The following NNMT variants were observed in gnomAD, a reference collection of about 807,000 sequenced individuals.
NNMT encodes the protein nicotinamide N-methyltransferase.
Under a neutral mutation model 11.7 loss-of-function variants are expected in NNMT, and 10 were observed. The ratio of observed to expected loss-of-function variants is 0.85; its 90% CI spans 0.53 to 1.45. The LOEUF (loss-of-function observed/expected upper bound fraction) is 1.45, where lower values mean the gene tolerates loss of function less well. NNMT is among the 40% of genes most tolerant of loss of function. The pLI is 0.00. For missense variants in NNMT, 381 were observed against 319.4 expected, an observed-to-expected ratio of 1.19 and a Z score of -1.47; for synonymous variants, 143 against 133.8, an observed-to-expected ratio of 1.07 and a Z score of -0.48.
chr11:114,280,364 G>A (rs965526862), intron 2 of NNMT, among the ~76,000 whole-genome samples: 4 of 152,006 alleles, frequency 2.6e-5, no homozygotes, highest in African/African-American at 9.7e-5. Context: ...TGTGAGCCGG[G>A]AGCCCCTAGG....
intron 2 of NNMT, among the ~76,000 whole-genome samples, chr11:114,268,431 TG>T (rs1945139672): frequency 1.3e-5 from 2 of 152,180 alleles, no homozygotes; most frequent in South Asian, 4.1e-4. Flanking sequence ...GGACTTACCA[TG>T]GTTCCCAAAC....
At chr11:114,261,400 G>A (rs1945079350) in intron 1 of NNMT, among the ~76,000 whole-genome samples, 1 of 152,174 alleles carries the variant, frequency 6.6e-6, no homozygotes, top group Admixed American at 6.5e-5. Flanking sequence ...TGGCCAACAT[G>A]GAGAAACCCC....
chr11:114,278,024 G>T (rs1405140309), intron 2 of NNMT, among the ~76,000 whole-genome samples: 1 of 152,130 alleles, frequency 6.6e-6, no homozygotes, highest in Non-Finnish European at 1.5e-5. Flanking sequence ...GAAATATGTT[G>T]GCTGCTATGT....
chr11:114,282,292 G>C (rs1945268274), intron 2 of NNMT, among the ~76,000 whole-genome samples: 1 of 152,096 alleles, frequency 6.6e-6, no homozygotes, highest in East Asian at 1.9e-4. Context: ...TTAGATTCCT[G>C]CTTGATAATT....
upstream of NNMT, among the ~76,000 whole-genome samples, chr11:114,294,486 A>AAG (rs1383565142): frequency 2.6e-5 from 4 of 151,684 alleles, no homozygotes; most frequent in East Asian, 7.7e-4. Flanking sequence ...TCAAAAAAAA[A>AAG]AAAAAAAAGT....
At chr11:114,300,894 G>T (rs960428169) in intron 2 of NNMT, among the ~76,000 whole-genome samples, 1 of 152,088 alleles carries the variant, frequency 6.6e-6, no homozygotes, top group African/African-American at 2.4e-5. Flanking sequence ...CTCTAAGATG[G>T]CCCCCAATAA....
At chr11:114,287,752 C>T (rs893774413) in intron 2 of NNMT, among the ~76,000 whole-genome samples, 2 of 152,238 alleles carry the variant, frequency 1.3e-5, no homozygotes, top group Non-Finnish European at 2.9e-5. Context: ...ATTTTAGAGC[C>T]AGCTTGTCAA....
rs780881498 is a variant in NNMT at position 114,298,108 on chromosome 11, C to A, written c.312C>A (p.Ala104=). Reference sequence around the variant, plus strand: ...AGTGGCTGAAGAAAGAGCCAGAGGCCTTTGACTGGTCCCCAGTGGTGACCT... The same window carrying A: ...AGTGGCTGAAGAAAGAGCCAGAGGCATTTGACTGGTCCCCAGTGGTGACCT... ...LEKWLKKEPE[A]FDWSPVVTYV... is the part of the protein sequence containing the mutation. The change falls in exon 2 of 3, where the codon GCC becomes GCA. Residue 104 remains alanine, a synonymous_variant. Transcript: ENST00000299964. 2 of 1,614,142 alleles carry A rather than the reference C, an allele frequency of 1.2e-6. No individual in the cohort carries two copies. Among genetic ancestry groups the A allele is most frequent in the Non-Finnish European group, 1.7e-6 (2 of 1,180,026 alleles).
intron 2 of NNMT, among the ~76,000 whole-genome samples, chr11:114,269,188 T>A (rs1046807035): frequency 3.9e-5 from 6 of 152,222 alleles, no homozygotes; most frequent in African/African-American, 1.4e-4. Flanking sequence ...CAACCTATTA[T>A]CTTACATAAT....
intron 2 of NNMT, 47 bp downstream of exon 2, chr11:114,298,205 G>C: frequency 6.5e-7 from 1 of 1,549,912 alleles, no homozygotes; most frequent in African/African-American, 1.4e-5. Flanking sequence ...GTACCTGAGT[G>C]ATGGTTGGCA....
intron 2 of NNMT, among the ~76,000 whole-genome samples, chr11:114,305,508 C>T (rs1333511634): frequency 7.0e-6 from 1 of 142,632 alleles, no homozygotes; most frequent in African/African-American, 2.6e-5. Flanking sequence ...CTCCCCCCAC[C>T]CCACGACAGG....
At chr11:114,308,734 G>T (rs1026915732) in intron 2 of NNMT, among the ~76,000 whole-genome samples, 1 of 152,100 alleles carries the variant, frequency 6.6e-6, no homozygotes, top group Admixed American at 6.6e-5. Context: ...GTAGTAATTG[G>T]CTGGGTCTCT....
chr11:114,311,187 G>A (rs957739480), intron 2 of NNMT, among the ~76,000 whole-genome samples: 1 of 152,106 alleles, frequency 6.6e-6, no homozygotes, highest in Non-Finnish European at 1.5e-5. Context: ...AAATTAGCCT[G>A]GTATGGTGGT....
intron 2 of NNMT, among the ~76,000 whole-genome samples, chr11:114,303,069 T>A (rs1422588918): frequency 1.3e-5 from 2 of 152,118 alleles, no homozygotes; most frequent in Non-Finnish European, 2.9e-5. Flanking sequence ...GAGCCCAAAC[T>A]AACTAAGGCT....
chr11:114,269,110 T>C (rs757780349), intron 2 of NNMT, among the ~76,000 whole-genome samples: 1 of 152,194 alleles, frequency 6.6e-6, no homozygotes, highest in Non-Finnish European at 1.5e-5. Flanking sequence ...CATGGACACA[T>C]TGTGTAAGTG....
chr11:114,294,344 G>A (rs186466552), upstream of NNMT, among the ~76,000 whole-genome samples: 508 of 152,138 alleles, frequency 3.3e-3, 5 homozygotes, highest in African/African-American at 0.012. Flanking sequence ...TGGGCGTGAT[G>A]GTGTGCACCT....
intron 2 of NNMT, among the ~76,000 whole-genome samples, chr11:114,264,504 T>C (rs1333668060): frequency 6.6e-6 from 1 of 152,194 alleles, no homozygotes; most frequent in Non-Finnish European, 1.5e-5. Flanking sequence ...ACACCTAATG[T>C]AGGGGGCTTC....
intron 2 of NNMT, among the ~76,000 whole-genome samples, chr11:114,305,035 C>G (rs1015998765): frequency 6.6e-6 from 1 of 152,210 alleles, no homozygotes; most frequent in Admixed American, 6.5e-5. Flanking sequence ...ATAGCTTAGG[C>G]TTGTGGTCCC....
chr11:114,293,822 G>A (rs932617837), upstream of NNMT, among the ~76,000 whole-genome samples: 4 of 152,088 alleles, frequency 2.6e-5, no homozygotes, highest in African/African-American at 4.8e-5. Context: ...ATATCCAAGA[G>A]CTATCAGCAC....
Sources: allele counts gnomAD v4.1 joint callset (sites outside exome capture counted in the v4.1 genomes callset), GRCh38; gene constraint gnomAD v4.1.1; transcripts MANE v1.5; gene names NCBI Gene and HGNC (gene_info 2026-07-23, HGNC 2026-07-21).